CTNNA3: variants seen among roughly 807,000 people sequenced by gnomAD.
The protein encoded by CTNNA3 is catenin alpha 3.
A neutral mutation model predicts 95.7 loss-of-function variants in CTNNA3; 76 were observed. The observed-to-expected ratio is 0.79, with a 90% confidence interval of 0.66 to 0.96. CTNNA3 has a LOEUF of 0.96. Among genes scored for constraint, CTNNA3 ranks in the 40% least tolerant of loss-of-function variants. The pLI is 0.00. For missense variants in CTNNA3, 1,191 were observed against 1,089.8 expected (o/e 1.09, Z -1.31); for synonymous variants, 431 against 374.4 (o/e 1.15, Z -1.74).
At chr10:66,434,443 T>A (rs2093322076) in intron 11 of CTNNA3, among the ~76,000 whole-genome samples, 1 of 152,154 alleles carries the variant, frequency 6.6e-6, no homozygotes, top group Non-Finnish European at 1.5e-5. Flanking sequence ...TGGCTCTCTG[T>A]TTGTCTATTA....
chr10:66,530,229 G>A (rs1237974350), intron 10 of CTNNA3, among the ~76,000 whole-genome samples: 1 of 152,012 alleles, frequency 6.6e-6, no homozygotes, highest in Non-Finnish European at 1.5e-5. Context: ...TCAGTGGCAC[G>A]GCAAGTAGAG....
At chr10:67,720,676 G>A (rs997624648) in intron 1 of CTNNA3, among the ~76,000 whole-genome samples, 1 of 151,988 alleles carries the variant, frequency 6.6e-6, no homozygotes, top group African/African-American at 2.4e-5. Context: ...AATGTTAGCT[G>A]GGCATGGTGG....
chr10:66,083,193 T>A (rs1295605972), intron 14 of CTNNA3, among the ~76,000 whole-genome samples: 2 of 152,240 alleles, frequency 1.3e-5, no homozygotes, highest in African/African-American at 4.8e-5. Context: ...AAAACTCACC[T>A]AATTTTGGAT....
intron 5 of CTNNA3, among the ~76,000 whole-genome samples, chr10:67,373,377 A>C (rs1013026502): frequency 5.9e-5 from 9 of 152,256 alleles, no homozygotes; most frequent in African/African-American, 2.2e-4. Flanking sequence ...AGAGACAAAG[A>C]AGGCCATTAC....
intron 7 of CTNNA3, among the ~76,000 whole-genome samples, chr10:66,966,200 T>G (rs1238908366): frequency 6.6e-6 from 1 of 152,048 alleles, no homozygotes; most frequent in Admixed American, 6.5e-5. Context: ...ACCATCAGCA[T>G]TAATAAACGA....
At chr10:67,585,081 C>T (rs906302324) in intron 3 of CTNNA3, among the ~76,000 whole-genome samples, 1 of 152,218 alleles carries the variant, frequency 6.6e-6, no homozygotes, top group African/African-American at 2.4e-5. Flanking sequence ...GTCCAACAAG[C>T]CCCAGTGAGA....
At chr10:67,333,080 T>G (rs1275376913) in intron 5 of CTNNA3, among the ~76,000 whole-genome samples, 1 of 152,214 alleles carries the variant, frequency 6.6e-6, no homozygotes, top group Non-Finnish European at 1.5e-5. Context: ...CAAAGCGTAC[T>G]GCAATGAAAA....
intron 13 of CTNNA3, among the ~76,000 whole-genome samples, chr10:66,134,903 C>A (rs1208236689): frequency 6.6e-6 from 1 of 152,000 alleles, no homozygotes; most frequent in Non-Finnish European, 1.5e-5. Flanking sequence ...TCTGTACACT[C>A]TTGGTTGGAA....
At chr10:65,996,371 G>T (rs1179590085) in intron 15 of CTNNA3, among the ~76,000 whole-genome samples, 3 of 152,108 alleles carry the variant, frequency 2.0e-5, no homozygotes, top group Non-Finnish European at 2.9e-5. Flanking sequence ...AAGTTGCTGT[G>T]TGTTCTATAG....
intron 11 of CTNNA3, among the ~76,000 whole-genome samples, chr10:66,421,880 A>T (rs1273180151): frequency 7.1e-6 from 1 of 141,394 alleles, no homozygotes; most frequent in South Asian, 2.3e-4. Context: ...AATTTCTAAG[A>T]GCTTCATAAT....
At chr10:66,706,509 T>C (rs1461615874) in intron 9 of CTNNA3, among the ~76,000 whole-genome samples, 1 of 151,824 alleles carries the variant, frequency 6.6e-6, no homozygotes, top group Non-Finnish European at 1.5e-5. Context: ...ACTGTGTACA[T>C]AAACACACCA....
chr10:66,787,388 G>A (rs1287454006), intron 7 of CTNNA3, among the ~76,000 whole-genome samples: 1 of 152,048 alleles, frequency 6.6e-6, no homozygotes, highest in African/African-American at 2.4e-5. Flanking sequence ...CCCCTGGTTC[G>A]CTGGTCTGTC....
chr10:67,198,955 AC>A (rs1025349975), intron 6 of CTNNA3, among the ~76,000 whole-genome samples: 5 of 152,074 alleles, frequency 3.3e-5, no homozygotes, highest in Admixed American at 2.0e-4. Context: ...CTATTAAGGA[AC>A]AAGAACATGT....
chr10:67,104,250 A>G (rs1858501583), intron 7 of CTNNA3, among the ~76,000 whole-genome samples: 1 of 151,854 alleles, frequency 6.6e-6, no homozygotes, highest in Non-Finnish European at 1.5e-5. Context: ...AAACTGTAGC[A>G]ATGACATGGC....
intron 5 of CTNNA3, among the ~76,000 whole-genome samples, chr10:67,352,492 C>G (rs1412747245): frequency 2.0e-5 from 3 of 151,734 alleles, no homozygotes; most frequent in Non-Finnish European, 4.4e-5. Context: ...TAGTATTATT[C>G]CTTACTGAAA....
At chr10:66,264,826 G>C (rs1244118802) in intron 13 of CTNNA3, among the ~76,000 whole-genome samples, 32 of 151,900 alleles carry the variant, frequency 2.1e-4, no homozygotes, top group Non-Finnish European at 2.9e-5. Flanking sequence ...ATGGATTGGT[G>C]AGAACTGAAA....
At chr10:67,033,634 A>C (rs1032990854) in intron 7 of CTNNA3, among the ~76,000 whole-genome samples, 5 of 152,176 alleles carry the variant, frequency 3.3e-5, no homozygotes. Flanking sequence ...CAACAACCCT[A>C]TGAAGTTAGT....
intron 5 of CTNNA3, among the ~76,000 whole-genome samples, chr10:67,442,873 T>G (rs534088183): frequency 6.6e-6 from 1 of 151,042 alleles, no homozygotes; most frequent in Non-Finnish European, 1.5e-5. Flanking sequence ...TATACATGTG[T>G]CATGCTGGTG....
At chr10:65,971,652 G>A (rs539348539) in intron 16 of CTNNA3, among the ~76,000 whole-genome samples, 2 of 151,690 alleles carry the variant, frequency 1.3e-5, no homozygotes, top group Non-Finnish European at 2.9e-5. Flanking sequence ...GACCAAAATC[G>A]AGTTCCTAAA....
Sources: allele counts gnomAD v4.1 joint callset (sites outside exome capture counted in the v4.1 genomes callset), GRCh38; gene constraint gnomAD v4.1.1; transcripts MANE v1.5; gene names NCBI Gene and HGNC (gene_info 2026-07-23, HGNC 2026-07-21).